The following TERT variants were observed in gnomAD, a reference collection of about 807,000 sequenced individuals.
The protein encoded by TERT is telomerase catalytic subunit.
A neutral mutation model predicts 104.0 loss-of-function variants in TERT; 42 were observed. The observed-to-expected ratio is 0.40, with a 90% CI of 0.32 to 0.52. The LOEUF (loss-of-function observed/expected upper bound fraction) is 0.52, where lower values mean the gene tolerates loss of function less well. Among genes scored for constraint, TERT ranks in the 20% least tolerant of loss-of-function variants. TERT has a pLI of 0.43. For synonymous variants in TERT, 781 were observed against 725.6 expected (o/e 1.08, Z -1.23); for missense variants, 1,101 against 1,610.3 (o/e 0.68, Z 5.41).
Position 1,263,952 on chromosome 5 carries a change from GCGGAGAGAC to G in TERT, c.2843+443_2843+451del. On this transcript the variant is annotated intron_variant, in intron 11 of 15. Transcript: ENST00000310581. This position sits in a 1 kb window ranked among gnomAD's most constrained non-coding sequence, Gnocchi z 5.3. ...TGAGCCTTGGAGTGTGGGGCTCACA[GCGGAGAGAC>G]TCACGCCCAAAAGGGCCCTGAAGTC... 6.6e-6 allele frequency among the ~76,000 whole-genome samples: 1 copy of G among 152,178 alleles called. No individual in the cohort carries two copies. Among genetic ancestry groups the G allele is most frequent in the South Asian group, 2.1e-4 (1 of 4,834 alleles).
At position 1,292,528 on chromosome 5, in the gene TERT, TA is replaced by T. The variant is rs33951612; in HGVS notation, c.1573+784del. On this transcript the variant is annotated intron_variant, in intron 2 of 15. Transcript: ENST00000310581. This position sits in a 1 kb window ranked among gnomAD's most constrained non-coding sequence, Gnocchi z 5.5. ...ACAATCAACGAACACTTTTTTTTTT[TA>T]AAGACAGAGTTTCACTCTTGTCGCC... is the stretch of plus-strand genomic sequence containing the variant. Among the ~76,000 whole-genome samples the T allele has an allele frequency of 6.6e-6, 1 of 150,898 alleles. No homozygotes were observed. Among genetic ancestry groups the T allele is most frequent in the Non-Finnish European group, 1.5e-5 (1 of 67,844 alleles).
At chr5:1,291,160 T>C (rs796874029) in intron 2 of TERT, among the ~76,000 whole-genome samples, 56 of 68,360 alleles carry the variant, frequency 8.2e-4, no homozygotes, top group Admixed American at 1.6e-3. Flanking sequence ...ACTCACCCTA[T>C]ACCTGGGAGG....
Position 1,280,257 on chromosome 5 carries a change from C to T in TERT, c.1851G>A (p.Leu617=), listed in dbSNP as rs1749930112. Residue 617 remains leucine, a synonymous_variant, in exon 4 of 16, where the codon CTG becomes CTA. Coordinates refer to ENST00000310581, the MANE Select transcript of TERT (RefSeq NM_198253.3). The stretch of plus-strand genomic sequence containing the variant: ...TGGGGATGAAGCGGAGTCTGGACGT[C>T]AGCAGGGCGGGCCTGGCTTCCCGAT... The part of the protein sequence containing the change: ...RQHREARPAL[L]TSRLRFIPKP... 6.2e-7 allele frequency: 1 copy of T among 1,613,790 alleles called. No individual in the cohort carries two copies. The highest frequency in any genetic ancestry group is 1.3e-5 in the African/African-American group (1 of 75,068).
In TERT at chr5:1,258,600, G is replaced by A. The variant is rs1747927866; in HGVS notation, c.3030C>T (p.Tyr1010=). The change falls in exon 13 of 16, where the codon TAC becomes TAT. Residue 1010 remains tyrosine, a splice_region_variant and synonymous_variant. Transcript: ENST00000310581. ...TGCACCCCTTGGTGGCGGCTCACCT[G>A]TACGCCTGCAGCAGGAGGATCTTGT... The part of the protein sequence containing the change: ...NIYKILLLQA[Y]RFHACVLQLP... 1 of 1,567,126 alleles carries A rather than the reference G, an allele frequency of 6.4e-7. No homozygotes were observed. The highest frequency in any genetic ancestry group is 1.2e-5 in the South Asian group (1 of 85,132).
In TERT at chr5:1,256,306, G is replaced by A. The variant is rs1278906277; in HGVS notation, c.3033-895C>T. ...TGGGACTACAGGTGTGAGCCACCGC[G>A]CCAGCCCTGTCAGCCTCCATCTTTG... is the stretch of plus-strand genomic sequence containing the variant. On this transcript the variant is annotated intron_variant, in intron 13 of 15. Transcript: ENST00000310581. The surrounding 1 kb of genome is among the most constrained non-coding windows in gnomAD (Gnocchi z 7.0). Among the ~76,000 whole-genome samples, 4 of 152,034 alleles carry A rather than the reference G, an allele frequency of 2.6e-5. No individual in the cohort carries two copies. Among genetic ancestry groups the A allele is most frequent in the South Asian group, 2.1e-4 (1 of 4,820 alleles).
intron 15 of TERT, 69 bp from the exon 16 acceptor site, chr5:1,253,900 G>T (rs114278598): frequency 4.0e-6 from 6 of 1,513,538 alleles, no homozygotes; most frequent in Non-Finnish European, 5.4e-6. Context: ...CTCCTAGGAC[G>T]TGTGGGTGGC....
rs1030649955 is a variant in TERT, at chr5:1,274,043, C to T, written c.2287-1763G>A. On this transcript the variant is annotated intron_variant, in intron 6 of 15. Coordinates refer to ENST00000310581, the MANE Select transcript of TERT (RefSeq NM_198253.3). The surrounding 1 kb of genome is among the most constrained non-coding windows in gnomAD (Gnocchi z 5.3). ...TACTACGGGACCTGCTAAGCCCCTG[C>T]GTCCCCAAGACAGGATGTGAGCAGG... Among the ~76,000 whole-genome samples, 6 of 152,318 alleles carry T rather than the reference C, an allele frequency of 3.9e-5. No homozygotes were observed. The highest frequency in any genetic ancestry group is 3.4e-3 in the Middle Eastern group (1 of 294).
rs570565764 is a variant in TERT, at chr5:1,290,560, T to C, written c.1573+2753A>G. On this transcript the variant is annotated intron_variant, in intron 2 of 15. Transcript: ENST00000310581. ...GACAGGGACACCCGGGGACGGTGCC[T>C]CACTCACCCTACACGTGACAGGGAC... 4.3e-5 allele frequency among the ~76,000 whole-genome samples: 3 copies of C among 70,348 alleles called. No individual in the cohort carries two copies. In the East Asian group the frequency reaches 1.1e-3, roughly 26 times the overall value. The allele number at this position is 70,348 out of a possible 152,430, so 46.2% of individuals were successfully genotyped here. A position where few individuals can be genotyped will look rare whatever the true frequency, so the allele number is the denominator to read the frequency against.
In TERT at chr5:1,268,516, T is replaced by C; in HGVS notation, c.2582+4A>G. 6.2e-7 allele frequency: 1 copy of C among 1,612,092 alleles called. No individual in the cohort carries two copies. The highest frequency in any genetic ancestry group is 8.5e-7 in the Non-Finnish European group (1 of 1,179,358). ...AAGCCCCCCTGGGGAAGAGGAGGCC[T>C]CACCCGTCCCGCCGAATCCCCGCAA... On this transcript the variant is annotated splice_donor_region_variant and intron_variant, in intron 9 of 15. Transcript: ENST00000310581. The surrounding 1 kb of genome is among the most constrained non-coding windows in gnomAD (Gnocchi z 5.5).
chr5:1,284,505 G>A (rs1480244933), intron 2 of TERT, among the ~76,000 whole-genome samples: 59 of 131,314 alleles, frequency 4.5e-4, no homozygotes, highest in Non-Finnish European at 5.8e-4. Flanking sequence ...AGGGCCTGGC[G>A]ACCTCACTCC....
In TERT at chr5:1,287,225, A is replaced by G. The variant is rs2736099; in HGVS notation, c.1574-4601T>C. Among the ~76,000 whole-genome samples the G allele has an allele frequency of 0.7, 106,836 of 152,012 alleles. 38,154 individuals carry two copies. Among genetic ancestry groups the G allele is most frequent in the African/African-American group, 0.83 (34,449 of 41,474 alleles). ...ATAAAAGTGTTGAAAATTAGGCCAG[A>G]CATGGTGGCTCATGCCTGTAATTCA... On this transcript the variant is annotated intron_variant, in intron 2 of 15. Transcript: ENST00000310581. This position sits in a 1 kb window ranked among gnomAD's most constrained non-coding sequence, Gnocchi z 4.3.
chr5:1,284,618 G>T (rs113028485), intron 2 of TERT, among the ~76,000 whole-genome samples: 621 of 145,738 alleles, frequency 4.3e-3, no homozygotes, highest in South Asian at 9.4e-3. Flanking sequence ...GCTCACCGAG[G>T]GCCTGGCGAC....
In TERT at chr5:1,255,234, C is replaced by G. The variant is rs1012935719; in HGVS notation, c.3157+53G>C. On this transcript the variant is annotated intron_variant, in intron 14 of 15. Transcript: ENST00000310581. This position sits in a 1 kb window ranked among gnomAD's most constrained non-coding sequence, Gnocchi z 6.9. ...CAGATTCACTCAGTCTCCTGACACA[C>G]TAACACCAGCAGGCAGGCACTGCTG... 6.2e-7 allele frequency: 1 copy of G among 1,605,272 alleles called. No homozygotes were observed. Among genetic ancestry groups the G allele is most frequent in the Non-Finnish European group, 8.5e-7 (1 of 1,176,094 alleles).
rs777672180 is a variant in TERT, at chr5:1,255,344, G to A, written c.3100C>T (p.Arg1034Cys). The change falls in exon 14 of 16, where the codon CGC (arginine) becomes TGC (cysteine). Residue 1034 changes from arginine to cysteine, a missense_variant. By Grantham distance (180) the Arg-to-Cys change is radical. This residue lies in a region of TERT where 463 missense variants were observed against 797.5 expected (regional missense o/e 0.58). Coordinates refer to ENST00000310581, the MANE Select transcript of TERT (RefSeq NM_198253.3). This position sits in a 1 kb window ranked among gnomAD's most constrained non-coding sequence, Gnocchi z 6.9. ...AGGGAGGCCGTGTCAGAGATGACGC[G>A]CAGGAAAAATGTGGGGTTCTTCCAA... ...QVWKNPTFFLRVISDTASLCY... is the reference protein window; with the variant it reads ...QVWKNPTFFLCVISDTASLCY... The A allele has an allele frequency of 1.4e-5, 23 of 1,614,220 alleles. No homozygotes were observed. The highest frequency in any genetic ancestry group is 1.8e-5 in the Non-Finnish European group (21 of 1,180,036).
At position 1,262,077 on chromosome 5, in the gene TERT, T is replaced by C. The variant is rs1748271348; in HGVS notation, c.2844-1477A>G. On this transcript the variant is annotated intron_variant, in intron 11 of 15. Coordinates refer to ENST00000310581, the MANE Select transcript of TERT (RefSeq NM_198253.3). The surrounding 1 kb of genome is among the most constrained non-coding windows in gnomAD (Gnocchi z 5.6). ...CGTTGCCTCACTGGTTTCATCCGCC[T>C]CCCTGTGTGTCCTTCCCCAACACCA... Among the ~76,000 whole-genome samples the C allele has an allele frequency of 1.3e-5, 2 of 152,196 alleles. No homozygotes were observed. Among genetic ancestry groups the C allele is most frequent in the South Asian group, 4.1e-4 (2 of 4,826 alleles).
rs35029914 is a variant in TERT, at chr5:1,270,319, G to A, written c.2468+800C>T. ...GCACAGTCCTTTATCCGCTGGAGAC[G>A]ATCCCAGAGAGAGGCCTCCACGTTC... On this transcript the variant is annotated intron_variant, in intron 8 of 15. Coordinates refer to ENST00000310581, the MANE Select transcript of TERT (RefSeq NM_198253.3). This position sits in a 1 kb window ranked among gnomAD's most constrained non-coding sequence, Gnocchi z 8.3. Among the ~76,000 whole-genome samples, 131 of 152,286 alleles carry A rather than the reference G, an allele frequency of 8.6e-4. No homozygotes were observed. The highest frequency in any genetic ancestry group is 2.7e-3 in the African/African-American group (114 of 41,572).
intron 5 of TERT, 124 bp downstream of exon 5, chr5:1,279,167 G>T: frequency 8.7e-7 from 1 of 1,150,424 alleles, no homozygotes; most frequent in Non-Finnish European, 1.2e-6. Context: ...CCTCAACAGT[G>T]ACAGGGTCAC....
chr5:1,282,423 C>T lies in TERT; in HGVS notation c.1769+6G>A. The T allele has an allele frequency of 6.2e-7, 1 of 1,613,760 alleles. No individual in the cohort carries two copies. The highest frequency in any genetic ancestry group is 8.5e-7 in the Non-Finnish European group (1 of 1,179,920). On this transcript the variant is annotated splice_donor_region_variant and intron_variant, in intron 3 of 15. Coordinates refer to ENST00000310581, the MANE Select transcript of TERT (RefSeq NM_198253.3). ...GAAGCAGAGGCCTGGCGTGGGGATA[C>T]AGTACCTGATTCCAATGCTTTGCAA...
In TERT at chr5:1,268,643, G is replaced by A. The variant is rs772747367; in HGVS notation, c.2469-10C>T. The A allele has an allele frequency of 8.8e-6, 14 of 1,595,744 alleles. No individual in the cohort carries two copies. The highest frequency in any genetic ancestry group is 1.2e-5 in the Non-Finnish European group (14 of 1,164,742). On this transcript the variant is annotated splice_polypyrimidine_tract_variant and intron_variant, in intron 8 of 15. Transcript: ENST00000310581. This position sits in a 1 kb window ranked among gnomAD's most constrained non-coding sequence, Gnocchi z 5.5. ...GCACTGGACGTAGGACCTGGGGCGG[G>A]AAGACACAGGTGAGAGACGGGCAGG...
Sources: allele counts gnomAD v4.1 joint callset (sites outside exome capture counted in the v4.1 genomes callset), GRCh38; gene constraint gnomAD v4.1.1; regional missense constraint gnomAD v4.1.1; non-coding constraint Gnocchi (gnomAD v3.1); transcripts MANE v1.5; gene names NCBI Gene and HGNC (gene_info 2026-07-23, HGNC 2026-07-21).